Variants in LPIN1 observed in about 807,000 individuals in gnomAD.
LPIN1 encodes the protein lipin 1.
Under a neutral mutation model 107.5 loss-of-function variants are expected in LPIN1, and 71 were observed. That is an observed-to-expected ratio of 0.66 (90% CI 0.55 to 0.80). The LOEUF (loss-of-function observed/expected upper bound fraction) is 0.80. Among genes scored for constraint, LPIN1 ranks in the 30% least tolerant of loss-of-function variants. The pLI is 0.00. For missense variants in LPIN1, 1,043 were observed against 1,160.6 expected (o/e 0.90, Z 1.47); for synonymous variants, 445 against 452.6 (o/e 0.98, Z 0.21).
At chr2:11,788,630 C>T (rs954280411) in intron 12 of LPIN1, among the ~76,000 whole-genome samples, 174 bp downstream of exon 12, 1 of 152,188 alleles carries the variant, frequency 6.6e-6, no homozygotes, top group African/African-American at 2.4e-5. Flanking sequence ...GCACCTTGCA[C>T]GTGGTTGCCC....
Position 11,826,680 on chromosome 2 carries a change from A to G in LPIN1, c.*1889A>G, listed in dbSNP as rs879183330. ...AGCTCATGGGCCTGCAAAGGTTCAGACGGTTTCTCCTTTGCACCCAGGAGG... is the reference window on the plus strand; with the variant it reads ...AGCTCATGGGCCTGCAAAGGTTCAGGCGGTTTCTCCTTTGCACCCAGGAGG... On this transcript the variant is annotated 3_prime_UTR_variant, in exon 21 of 21. Coordinates refer to ENST00000674199, the MANE Select transcript of LPIN1 (RefSeq NM_001349206.2). 1 of 152,174 alleles carries G rather than the reference A, an allele frequency of 6.6e-6. No individual in the cohort carries two copies. Among genetic ancestry groups the G allele is most frequent in the South Asian group, 2.1e-4 (1 of 4,832 alleles). The allele number at this position is 152,174 out of a possible 1,614,324, so 9.4% of individuals were successfully genotyped here. A position where few individuals can be genotyped will look rare whatever the true frequency, so the allele number is the denominator to read the frequency against.
intron 1 of LPIN1, among the ~76,000 whole-genome samples, chr2:11,708,457 G>A (rs1351807600): frequency 1.3e-5 from 2 of 152,138 alleles, no homozygotes; most frequent in Non-Finnish European, 2.9e-5. Context: ...TACATGTCCC[G>A]GGAGTGGAGA....
At chr2:11,708,709 G>A (rs1663252821) in intron 1 of LPIN1, among the ~76,000 whole-genome samples, 1 of 152,142 alleles carries the variant, frequency 6.6e-6, no homozygotes, top group South Asian at 2.1e-4. Flanking sequence ...TGATACGTAA[G>A]AAAGCTGACC....
intron 18 of LPIN1, chr2:11,819,226 A>G (rs1254897604): frequency 2.2e-6 from 1 of 458,472 alleles, no homozygotes; most frequent in East Asian, 4.0e-5. Context: ...ATGCTCTGTC[A>G]TTCTTTGTTC....
chr2:11,808,623 G>A (rs1365887817), intron 17 of LPIN1, among the ~76,000 whole-genome samples: 6 of 151,988 alleles, frequency 3.9e-5, no homozygotes, highest in Non-Finnish European at 8.8e-5. Flanking sequence ...CGAATAGTCC[G>A]AGCACTTTGG....
intron 1 of LPIN1, among the ~76,000 whole-genome samples, chr2:11,757,407 G>A (rs552791262): frequency 8.5e-4 from 129 of 152,322 alleles, no homozygotes; most frequent in Non-Finnish European, 1.5e-3. Flanking sequence ...TTGATTGGCT[G>A]GGTTTGTCTG....
intron 1 of LPIN1, among the ~76,000 whole-genome samples, chr2:11,688,134 G>A (rs140887309): frequency 1.3e-5 from 2 of 152,316 alleles, no homozygotes; most frequent in East Asian, 3.9e-4. Context: ...CGGAATTCTT[G>A]TTATAGCTGA....
chr2:11,815,337 TTCTGCCCCA>T, intron 18 of LPIN1, 97 bp downstream of exon 18: 1 of 1,419,558 alleles, frequency 7.0e-7, no homozygotes, highest in Admixed American at 1.9e-5. Flanking sequence ...CTCACTGGTC[TTCTGCCCCA>T]ATATCCATGC....
chr2:11,769,200 A>G (rs1671465371), intron 3 of LPIN1, among the ~76,000 whole-genome samples: 1 of 152,212 alleles, frequency 6.6e-6, no homozygotes, highest in Non-Finnish European at 1.5e-5. Context: ...GTGCACAAAG[A>G]GTTGTGATTT....
intron 17 of LPIN1, 132 bp downstream of exon 17, chr2:11,805,288 G>A (rs1558276181): frequency 1.3e-6 from 1 of 751,732 alleles, no homozygotes; most frequent in South Asian, 1.5e-5. Flanking sequence ...GGGAGGGGCA[G>A]TGGGGGTCAG....
intron 1 of LPIN1, among the ~76,000 whole-genome samples, chr2:11,755,845 C>T (rs1392039979): frequency 2.0e-5 from 3 of 151,866 alleles, no homozygotes; most frequent in Non-Finnish European, 2.9e-5. Flanking sequence ...CCTCAGCCTC[C>T]TGAGTAGCTG....
At chr2:11,759,942 AG>A (rs1669452383) in intron 1 of LPIN1, among the ~76,000 whole-genome samples, 1 of 148,434 alleles carries the variant, frequency 6.7e-6, no homozygotes, top group Non-Finnish European at 1.5e-5. Flanking sequence ...TGCCGGGCGG[AG>A]GGGCTCCTCA....
rs1681179118 is a variant in LPIN1, at chr2:11,819,584, G to A, written c.2503G>A (p.Gly835Arg). The A allele has an allele frequency of 1.2e-6, 2 of 1,613,550 alleles. No individual in the cohort carries two copies. Among genetic ancestry groups the A allele is most frequent in the Non-Finnish European group, 1.7e-6 (2 of 1,179,460 alleles). Reference protein sequence around the residue: ...PNTEPFYAAFGNRPADVYSYK... With the variant: ...PNTEPFYAAFRNRPADVYSYK... The stretch of plus-strand genomic sequence containing the variant: ...CACAGAACCCTTTTATGCTGCTTTT[G>A]GAAACCGACCAGCTGTAAGTAGTAG... The change falls in exon 19 of 21, where the codon GGA (glycine) becomes AGA (arginine). Residue 835 changes from glycine to arginine, a missense_variant. Transcript: ENST00000674199.
intron 1 of LPIN1, among the ~76,000 whole-genome samples, chr2:11,725,999 G>T (rs537743122): frequency 6.6e-6 from 1 of 152,274 alleles, no homozygotes; most frequent in East Asian, 1.9e-4. Flanking sequence ...GAGCCTGTGT[G>T]GTGACTGGCA....
chr2:11,687,590 C>A (rs966225557), intron 1 of LPIN1, among the ~76,000 whole-genome samples: 2 of 152,208 alleles, frequency 1.3e-5, no homozygotes, highest in Non-Finnish European at 2.9e-5. Flanking sequence ...GAGAGAAATA[C>A]AGAGAATCTG....
At chr2:11,692,830 C>A (rs899656897) in intron 1 of LPIN1, among the ~76,000 whole-genome samples, 15 of 152,212 alleles carry the variant, frequency 9.9e-5, no homozygotes, top group African/African-American at 3.6e-4. Context: ...ATTCTACCTC[C>A]AGATATCAGG....
At position 11,786,190 on chromosome 2, in the gene LPIN1, A is replaced by G. The variant is rs1674545119; in HGVS notation, c.1550-884A>G. Among the ~76,000 whole-genome samples, 1 of 152,226 alleles carries G rather than the reference A, an allele frequency of 6.6e-6. No individual in the cohort carries two copies. The highest frequency in any genetic ancestry group is 3.4e-3 in the Middle Eastern group (1 of 294). ...CGTCACAGTCAGGAGACCCCAGGAG[A>G]GTCCCCGGAGGTCCTGATTAGGGCT... On this transcript the variant is annotated intron_variant, in intron 10 of 20. Coordinates refer to ENST00000674199, the MANE Select transcript of LPIN1 (RefSeq NM_001349206.2). This position sits in a 1 kb window ranked among gnomAD's most constrained non-coding sequence, Gnocchi z 4.1.
At chr2:11,806,142 C>T (rs865948124) in intron 17 of LPIN1, among the ~76,000 whole-genome samples, 17 of 152,334 alleles carry the variant, frequency 1.1e-4, no homozygotes, top group Middle Eastern at 6.8e-3. Flanking sequence ...AGTGTCAAGA[C>T]GGAAGTGTCA....
At chr2:11,700,986 G>C (rs532333468) in intron 1 of LPIN1, among the ~76,000 whole-genome samples, 1 of 152,312 alleles carries the variant, frequency 6.6e-6, no homozygotes, top group Admixed American at 6.5e-5. Context: ...CTGAATCGCA[G>C]AGTCTAATCT....
Sources: gnomAD v4.1 joint callset for allele counts (sites outside exome capture counted in the v4.1 genomes callset) on GRCh38, gnomAD v4.1.1 for gene constraint, Gnocchi (gnomAD v3.1) non-coding constraint, MANE v1.5 for transcripts, NCBI Gene and HGNC (gene_info 2026-07-23, HGNC 2026-07-21) for gene names.